PFKFB3: variants seen among roughly 807,000 people sequenced by gnomAD.
The protein encoded by PFKFB3 is 6-phosphofructo-2-kinase/fructose-2,6-biphosphatase 3, also known as 6-phosphofructo-2-kinase/fructose-2,6-bisphosphatase 3.
In PFKFB3, 33 loss-of-function variants were observed where a neutral mutation model predicts 68.0. The ratio of observed to expected loss-of-function variants is 0.49; its 90% CI spans 0.37 to 0.65. PFKFB3 has a LOEUF of 0.65. Ranked by LOEUF, PFKFB3 falls within the 30% of genes least tolerant of loss-of-function variation. The pLI, the probability that PFKFB3 is intolerant of heterozygous loss-of-function variation, is 0.00. For synonymous variants in PFKFB3, 315 were observed against 288.2 expected, an observed-to-expected ratio of 1.09 and a Z score of -0.94; for missense variants, 586 against 712.2, an observed-to-expected ratio of 0.82 and a Z score of 2.02.
chr10:6,188,944 C>T (rs536241213), intron 1 of PFKFB3, among the ~76,000 whole-genome samples: 5 of 151,832 alleles, frequency 3.3e-5, no homozygotes, highest in Admixed American at 3.3e-4. Flanking sequence ...ACGCCATTCT[C>T]CTGCCTCAGC....
chr10:6,305,645 C>G, the PFKFB3 span, among the ~76,000 whole-genome samples: 2 of 152,198 alleles, frequency 1.3e-5, no homozygotes, highest in African/African-American at 2.4e-5. Context: ...GTTCTGTTTG[C>G]TTGCACACAG....
At position 6,161,479 on chromosome 10, in the gene PFKFB3, A is replaced by C. The variant is rs571279238; in HGVS notation, c.16+16466A>C. Among the ~76,000 whole-genome samples the C allele has an allele frequency of 2.8e-3, 425 of 152,188 alleles. 2 individuals carry two copies. Among genetic ancestry groups the C allele is most frequent in the African/African-American group, 0.01 (415 of 41,492 alleles). ...TATCCTGTTCCCAATAATCTTTATA[A>C]AAAATTTAAAAAATTATTTTATTTC... On this transcript the variant is annotated intron_variant, in intron 1 of 14. Transcript: ENST00000379789.
the PFKFB3 span, among the ~76,000 whole-genome samples, chr10:6,297,388 A>G: frequency 6.6e-6 from 1 of 152,206 alleles, no homozygotes. Flanking sequence ...GGCAAAAGAT[A>G]AAAAGGCCAC....
chr10:6,285,134 T>C, the PFKFB3 span, among the ~76,000 whole-genome samples: 78 of 152,300 alleles, frequency 5.1e-4, no homozygotes, highest in Non-Finnish European at 3.4e-4. Flanking sequence ...ATGGCAGTTT[T>C]ATGTCTAAGG....
In PFKFB3 at chr10:6,148,040, G is replaced by A. The variant is rs556168529; in HGVS notation, c.16+3027G>A. 1.2e-4 allele frequency among the ~76,000 whole-genome samples: 18 copies of A among 152,354 alleles called. No individual in the cohort carries two copies. In the South Asian group the frequency reaches 3.3e-3, roughly 28 times the overall value. On this transcript the variant is annotated intron_variant, in intron 1 of 14. Coordinates refer to the PFKFB3 transcript ENST00000379789. ...GAAAGATGAGTGGTTGTGTACCACG[G>A]CATTCATTCATTCTCTAGATTGGGC...
intron 1 of PFKFB3, among the ~76,000 whole-genome samples, chr10:6,156,690 GT>G (rs1263227368): frequency 6.7e-6 from 1 of 149,986 alleles, no homozygotes; most frequent in Non-Finnish European, 1.5e-5. Flanking sequence ...GTTTCGCCAT[GT>G]TGGCCAGGCT....
chr10:6,226,314 C>T lies in PFKFB3; in HGVS notation c.1464C>T (p.Ala488=), dbSNP rs141132608. 4.0e-4 allele frequency: 645 copies of T among 1,613,968 alleles called. 1 individual carries two copies. The highest frequency in any genetic ancestry group is 4.9e-4 in the Non-Finnish European group (584 of 1,180,020). ...SFEEHVASTS[A]ALPSCLPPEV... is the part of the protein sequence containing the mutation. The stretch of plus-strand genomic sequence containing the variant: ...AGGAGCATGTGGCCTCCACCTCGGC[C>T]GCCCTGCCCAGCTGCCTGCCCCCGG... The change falls in exon 14 of 15, where the codon GCC becomes GCT. Residue 488 remains alanine, a synonymous_variant. Coordinates refer to ENST00000379775, the MANE Select transcript of PFKFB3 (RefSeq NM_004566.4).
chr10:6,191,591 C>T (rs1843023920), intron 1 of PFKFB3, among the ~76,000 whole-genome samples: 1 of 152,194 alleles, frequency 6.6e-6, no homozygotes, highest in South Asian at 2.1e-4. Flanking sequence ...CCCCTAGAAT[C>T]ACAGGATCCT....
chr10:6,323,458 T>C, the PFKFB3 span, among the ~76,000 whole-genome samples: 1 of 152,228 alleles, frequency 6.6e-6, no homozygotes. Flanking sequence ...CCTTTGAAAG[T>C]AGGGTTCTCA....
chr10:6,294,332 G>A, the PFKFB3 span: 10 of 404,124 alleles, frequency 2.5e-5, no homozygotes, highest in South Asian at 1.9e-4. Flanking sequence ...AAAGGAAAGA[G>A]ATTTAATTGA....
intron 1 of PFKFB3, among the ~76,000 whole-genome samples, chr10:6,169,442 C>T (rs995995116): frequency 3.9e-5 from 6 of 151,996 alleles, no homozygotes; most frequent in East Asian, 1.9e-4. Flanking sequence ...ATGGAGTTGT[C>T]GGGGTGTGGG....
intron 1 of PFKFB3, among the ~76,000 whole-genome samples, chr10:6,148,612 G>A (rs1166350651): frequency 2.0e-5 from 3 of 152,228 alleles, no homozygotes; most frequent in Admixed American, 6.5e-5. Flanking sequence ...AGAAGAAGGA[G>A]AAGTTAGTAT....
downstream of PFKFB3, among the ~76,000 whole-genome samples, chr10:6,259,494 T>G: frequency 7.0e-6 from 1 of 143,262 alleles, no homozygotes; most frequent in Non-Finnish European, 1.5e-5. Context: ...ATCCATTTGT[T>G]CATCAGCCCA....
intron 1 of PFKFB3, among the ~76,000 whole-genome samples, chr10:6,204,512 C>G (rs751970216): frequency 2.0e-5 from 3 of 152,240 alleles, no homozygotes; most frequent in African/African-American, 4.8e-5. Context: ...CTGCCCCTCT[C>G]CCCACACCCA....
At chr10:6,170,216 C>G (rs902193288) in intron 1 of PFKFB3, among the ~76,000 whole-genome samples, 4 of 152,282 alleles carry the variant, frequency 2.6e-5, no homozygotes, top group African/African-American at 9.6e-5. Flanking sequence ...GATGGTGTGT[C>G]TAGAAGCAAT....
intron 5 of PFKFB3, among the ~76,000 whole-genome samples, 170 bp downstream of exon 5, chr10:6,216,950 T>C (rs1215074493): frequency 6.6e-6 from 1 of 152,120 alleles, no homozygotes; most frequent in African/African-American, 2.4e-5. Context: ...TTTGGGCCTT[T>C]GTGTGGTAGG....
At chr10:6,153,417 G>GGGGTAA (rs1239484846) in intron 1 of PFKFB3, among the ~76,000 whole-genome samples, 1 of 152,152 alleles carries the variant, frequency 6.6e-6, no homozygotes, top group East Asian at 1.9e-4. Context: ...ACATGTGAAT[G>GGGGTAA]GGGTAAGCCT....
the PFKFB3 span, among the ~76,000 whole-genome samples, chr10:6,277,503 G>C: frequency 6.6e-6 from 1 of 152,156 alleles, no homozygotes; most frequent in Admixed American, 6.5e-5. Flanking sequence ...TTACAGGTGT[G>C]AGCCACCACA....
upstream of PFKFB3, among the ~76,000 whole-genome samples, chr10:6,199,658 A>ATTTTTTTTTT (rs143309528): frequency 1.3e-4 from 10 of 75,594 alleles, no homozygotes; most frequent in East Asian, 4.0e-4. Flanking sequence ...CTATTTTTAA[A>ATTTTTTTTTT]TTTTTTTTTT....
Sources: allele counts gnomAD v4.1 joint callset (sites outside exome capture counted in the v4.1 genomes callset), GRCh38; gene constraint gnomAD v4.1.1; transcripts MANE v1.5; gene names NCBI Gene and HGNC (gene_info 2026-07-23, HGNC 2026-07-21).